USH1G: variants seen among roughly 807,000 people sequenced by gnomAD.
The protein encoded by USH1G is pre-mRNA splicing regulator USH1G.
Under a neutral mutation model 31.9 loss-of-function variants are expected in USH1G, and 27 were observed. The observed-to-expected ratio is 0.85, with a 90% confidence interval of 0.62 to 1.17. The LOEUF is 1.17. Ranked by LOEUF, USH1G falls within the 50% of genes most tolerant of loss-of-function variation. USH1G has a pLI of 0.00. For missense variants in USH1G, 674 were observed against 638.9 expected (o/e 1.05, Z -0.59); for synonymous variants, 266 against 283.2 (o/e 0.94, Z 0.61).
chr17:74,920,803 T>G lies in USH1G; in HGVS notation c.165-132A>C. On this transcript the variant is annotated intron_variant, in intron 1 of 2. Coordinates refer to ENST00000614341, the MANE Select transcript of USH1G (RefSeq NM_173477.5). This position sits in a 1 kb window ranked among gnomAD's most constrained non-coding sequence, Gnocchi z 5.2. ...AAAGGGACCGTGGGCCTGAGATCTC[T>G]CCCACTCCAGGAGACCTGCAGGCCT... 1.5e-6 allele frequency: 2 copies of G among 1,352,872 alleles called. No individual in the cohort carries two copies. The highest frequency in any genetic ancestry group is 2.0e-6 in the Non-Finnish European group (2 of 993,898). 83.8% of individuals were successfully genotyped at this position (1,352,872 alleles called of 1,614,324 possible). A position where few individuals can be genotyped will look rare whatever the true frequency, so the allele number is the denominator to read the frequency against.
At position 74,923,221 on chromosome 17, in the gene USH1G, T is replaced by A; in HGVS notation, c.-148A>T. 2.6e-6 allele frequency: 1 copy of A among 380,412 alleles called. No individual in the cohort carries two copies. The highest frequency in any genetic ancestry group is 3.6e-6 in the Non-Finnish European group (1 of 278,858). The allele number at this position is 380,412 out of a possible 1,614,324, so 23.6% of individuals were successfully genotyped here. ...AGCCCCCGCTGCCGCAGACGGAGGG[T>A]GCGGAGCGCCAGAGCCGCGACTACC... is the stretch of plus-strand genomic sequence containing the variant. On this transcript the variant is annotated 5_prime_UTR_variant, in exon 1 of 3. Transcript: ENST00000614341. The surrounding 1 kb of genome is among the most constrained non-coding windows in gnomAD (Gnocchi z 5.3).
chr17:74,919,928 T>TG lies in USH1G; in HGVS notation c.907dup (p.His303ProfsTer53). 6.2e-7 allele frequency: 1 copy of TG among 1,612,798 alleles called. No individual in the cohort carries two copies. The highest frequency in any genetic ancestry group is 8.5e-7 in the Non-Finnish European group (1 of 1,179,694). On this transcript the variant is annotated frameshift_variant, in exon 2 of 3. Coordinates refer to ENST00000614341, the MANE Select transcript of USH1G (RefSeq NM_173477.5). LOFTEE classifies it high-confidence loss of function. The surrounding 1 kb of genome is among the most constrained non-coding windows in gnomAD (Gnocchi z 4.5). ...GCCGGGGCGGGTAAACAGGGAGTCG[T>TG]GGCCTGAGTCGGTGCTGACCTCCGA...
chr17:74,920,667 C>A lies in USH1G; in HGVS notation c.169G>T (p.Asp57Tyr). 1 of 1,613,582 alleles carries A rather than the reference C, an allele frequency of 6.2e-7. No individual in the cohort carries two copies. Among genetic ancestry groups the A allele is most frequent in the Admixed American group, 1.7e-5 (1 of 60,022 alleles). Residue 57 changes from aspartate (D) to tyrosine (Y), a missense_variant, in exon 2 of 3, where the codon GAC becomes TAC. Physicochemically the swap from Asp to Tyr is radical, Grantham distance 160 (BLOSUM62 -3). Transcript: ENST00000614341. The surrounding 1 kb of genome is among the most constrained non-coding windows in gnomAD (Gnocchi z 5.2). ...SLRLIVSRGG[D>Y]PDKCDIWGNT... ...CCCCAGATGTCACACTTGTCCGGGT[C>A]ACCCCTGCAGGGAAAGCATTCAGGA...
Position 74,919,656 on chromosome 17 carries a change from T to C in USH1G, c.1180A>G (p.Thr394Ala). ...DLEPETSPLE[T>A]FLASLHMEDF... Reference sequence around the variant, plus strand: ...TCCATGTGCAGAGAGGCCAGGAAGGTCTCCAGCGGGCTAGTCTCGGGCTCC... The same window carrying C: ...TCCATGTGCAGAGAGGCCAGGAAGGCCTCCAGCGGGCTAGTCTCGGGCTCC... The change falls in exon 2 of 3, where the codon ACC becomes GCC. Residue 394 changes from threonine to alanine, a missense_variant. By Grantham distance (58) the Thr-to-Ala change is moderately conservative. Coordinates refer to ENST00000614341, the MANE Select transcript of USH1G (RefSeq NM_173477.5). The surrounding 1 kb of genome is among the most constrained non-coding windows in gnomAD (Gnocchi z 4.5). 6.2e-7 allele frequency: 1 copy of C among 1,612,688 alleles called. No individual in the cohort carries two copies. The highest frequency in any genetic ancestry group is 8.5e-7 in the Non-Finnish European group (1 of 1,179,990).
At position 74,920,264 on chromosome 17, in the gene USH1G, T is replaced by C; in HGVS notation, c.572A>G (p.Gln191Arg). The stretch of plus-strand genomic sequence containing the variant: ...CAGGTGGCTGCCCAGCGCCAGATGC[T>C]GCAGCCGGCGGCTCAGGGTGCTGGA... ...LTSSTLSRRL[Q>R]HLALGSHLPY... Residue 191 changes from glutamine (Q) to arginine (R), a missense_variant, in exon 2 of 3, where the codon CAG becomes CGG. Physicochemically the swap from Gln to Arg is conservative, Grantham distance 43 (BLOSUM62 1). Coordinates refer to ENST00000614341, the MANE Select transcript of USH1G (RefSeq NM_173477.5). The surrounding 1 kb of genome is among the most constrained non-coding windows in gnomAD (Gnocchi z 5.2). The C allele has an allele frequency of 6.2e-7, 1 of 1,602,862 alleles. No homozygotes were observed. Among genetic ancestry groups the C allele is most frequent in the Non-Finnish European group, 8.5e-7 (1 of 1,179,254 alleles).
In USH1G at chr17:74,920,341, G is replaced by A; in HGVS notation, c.495C>T (p.Tyr165=). 1 of 1,610,852 alleles carries A rather than the reference G, an allele frequency of 6.2e-7. No homozygotes were observed. The highest frequency in any genetic ancestry group is 1.7e-4 in the Middle Eastern group (1 of 6,056). ...RRHHERMERR[Y]RRELAERSDT... ...CGGAACGCTCGGCCAGCTCGCGCCG[G>A]TATCGCCGCTCCATGCGTTCGTGGT... Residue 165 remains tyrosine (Y), a synonymous_variant, in exon 2 of 3, where the codon TAC becomes TAT. Coordinates refer to ENST00000614341, the MANE Select transcript of USH1G (RefSeq NM_173477.5). This position sits in a 1 kb window ranked among gnomAD's most constrained non-coding sequence, Gnocchi z 5.2.
Position 74,920,225 on chromosome 17 carries a change from G to C in USH1G, c.611C>G (p.Ala204Gly). 6.2e-7 allele frequency: 1 copy of C among 1,603,138 alleles called. No individual in the cohort carries two copies. The highest frequency in any genetic ancestry group is 2.2e-5 in the East Asian group (1 of 44,878). Residue 204 changes from alanine to glycine, a missense_variant, in exon 2 of 3, where the codon GCC (alanine) becomes GGC (glycine). Physicochemically the swap from Ala to Gly is moderately conservative, Grantham distance 60. Transcript: ENST00000614341. This position sits in a 1 kb window ranked among gnomAD's most constrained non-coding sequence, Gnocchi z 5.2. Reference protein sequence around the residue: ...ALGSHLPYSQATLHGTARGKT... With the variant: ...ALGSHLPYSQGTLHGTARGKT... Reference sequence around the variant, plus strand: ...GCCCCTGGCCGTGCCGTGCAGCGTGGCCTGAGAGTACGGCAGGTGGCTGCC... The same window carrying C: ...GCCCCTGGCCGTGCCGTGCAGCGTGCCCTGAGAGTACGGCAGGTGGCTGCC...
chr17:74,923,116 G>C lies in USH1G; in HGVS notation c.-43C>G, dbSNP rs776932722. ...GGGCGGGCGGGGGACACGGAGAAAG[G>C]CCCCCCGCAGGGGAGGGCGGCGGTA... On this transcript the variant is annotated 5_prime_UTR_variant, in exon 1 of 3. Transcript: ENST00000614341. This position sits in a 1 kb window ranked among gnomAD's most constrained non-coding sequence, Gnocchi z 5.3. The C allele has an allele frequency of 3.9e-6, 6 of 1,529,540 alleles. No homozygotes were observed. The highest frequency in any genetic ancestry group is 1.4e-5 in the African/African-American group (1 of 73,148). The allele number at this position is 1,529,540 out of a possible 1,614,324, so 94.7% of individuals were successfully genotyped here. A position where few individuals can be genotyped will look rare whatever the true frequency, so the allele number is the denominator to read the frequency against.
rs936654730 is a variant in USH1G, at chr17:74,917,785, G to A, written c.*288C>T. On this transcript the variant is annotated 3_prime_UTR_variant, in exon 3 of 3. Coordinates refer to ENST00000614341, the MANE Select transcript of USH1G (RefSeq NM_173477.5). ...CCGATGCCCCTGCCCTCCCTCTGGG[G>A]CAGGCCTCCCCCAAGTCTACATGTC... is the stretch of plus-strand genomic sequence containing the variant. 8.6e-5 allele frequency: 43 copies of A among 499,400 alleles called. No homozygotes were observed. Among genetic ancestry groups the A allele is most frequent in the African/African-American group, 7.7e-4 (40 of 51,692 alleles). 30.9% of individuals were successfully genotyped at this position (499,400 alleles called of 1,614,324 possible).
Position 74,920,412 on chromosome 17 carries a change from C to T in USH1G, c.424G>A (p.Glu142Lys), listed in dbSNP as rs111033466. 11,150 of 1,613,462 alleles carry T rather than the reference C, an allele frequency of 6.9e-3. 604 individuals are homozygous for T. The African/African-American group carries it at 0.13, about 19-fold the overall frequency. The change falls in exon 2 of 3, where the codon GAG (glutamate) becomes AAG (lysine). Residue 142 changes from glutamate to lysine, a missense_variant. Transcript: ENST00000614341. The surrounding 1 kb of genome is among the most constrained non-coding windows in gnomAD (Gnocchi z 5.2). ...VGKLKDKAFREAERRIRECAK... is the reference protein window; with the variant it reads ...VGKLKDKAFRKAERRIRECAK... ...CACTCGCGGATGCGCCGCTCCGCCT[C>T]GCGGAAGGCCTTGTCCTTCAGCTTA...
At position 74,920,707 on chromosome 17, in the gene USH1G, G is replaced by T. The variant is rs779395291; in HGVS notation, c.165-36C>A. 2 of 1,611,970 alleles carry T rather than the reference G, an allele frequency of 1.2e-6. No homozygotes were observed. The highest frequency in any genetic ancestry group is 1.7e-6 in the Non-Finnish European group (2 of 1,179,116). Reference sequence around the variant, plus strand: ...AGCATTCAGGAGGGACGAGTGACGAGTCCTGGCTGGGGATGGAGGTGGAGG... The same window carrying T: ...AGCATTCAGGAGGGACGAGTGACGATTCCTGGCTGGGGATGGAGGTGGAGG... On this transcript the variant is annotated intron_variant, in intron 1 of 2. Transcript: ENST00000614341. The surrounding 1 kb of genome is among the most constrained non-coding windows in gnomAD (Gnocchi z 5.2).
chr17:74,919,425 C>T lies in USH1G; in HGVS notation c.1382+29G>A. The T allele has an allele frequency of 6.3e-7, 1 of 1,586,436 alleles. No individual in the cohort carries two copies. Among genetic ancestry groups the T allele is most frequent in the Non-Finnish European group, 8.6e-7 (1 of 1,166,364 alleles). Reference sequence around the variant, plus strand: ...CAGGGGCCTTCCAACTCCTGCTCCTCCATCCCCCCCGCCAGGCTGGACACT... The same window carrying T: ...CAGGGGCCTTCCAACTCCTGCTCCTTCATCCCCCCCGCCAGGCTGGACACT... On this transcript the variant is annotated intron_variant, in intron 2 of 2. Coordinates refer to ENST00000614341, the MANE Select transcript of USH1G (RefSeq NM_173477.5). This position sits in a 1 kb window ranked among gnomAD's most constrained non-coding sequence, Gnocchi z 4.5.
At chr17:74,922,843 G>A in intron 1 of USH1G, 67 bp downstream of exon 1, 1 of 1,499,246 alleles carries the variant, frequency 6.7e-7, no homozygotes, top group Non-Finnish European at 9.0e-7. Context: ...CAGCTCAGAG[G>A]AGTGGTGGAC....
Position 74,920,434 on chromosome 17 carries a change from C to T in USH1G, c.402G>A (p.Lys134=), listed in dbSNP as rs1340005420. 16 of 1,613,580 alleles carry T rather than the reference C, an allele frequency of 9.9e-6. No homozygotes were observed. Among genetic ancestry groups the T allele is most frequent in the African/African-American group, 5.3e-5 (4 of 74,952 alleles). The change falls in exon 2 of 3, where the codon AAG becomes AAA. Residue 134 remains lysine, a synonymous_variant. Coordinates refer to ENST00000614341, the MANE Select transcript of USH1G (RefSeq NM_173477.5). The surrounding 1 kb of genome is among the most constrained non-coding windows in gnomAD (Gnocchi z 5.2). ...QSSLNPKLVG[K]LKDKAFREAE... ...CCTCGCGGAAGGCCTTGTCCTTCAG[C>T]TTACCCACCAGCTTGGGGTTGAGGC...
Position 74,921,895 on chromosome 17 carries a change from G to A in USH1G, c.164+1015C>T, listed in dbSNP as rs1043531348. 2.0e-5 allele frequency among the ~76,000 whole-genome samples: 3 copies of A among 152,142 alleles called. No individual in the cohort carries two copies. The highest frequency in any genetic ancestry group is 4.8e-5 in the African/African-American group (2 of 41,426). On this transcript the variant is annotated intron_variant, in intron 1 of 2. Transcript: ENST00000614341. This position sits in a 1 kb window ranked among gnomAD's most constrained non-coding sequence, Gnocchi z 4.6. ...TTCAAGGCTGCTCCCACCTGATGCT[G>A]GGCCCAAGGAGCAGCCCAAGGAGAG...
rs188451036 is a variant in USH1G at position 74,921,405 on chromosome 17, G to C, written c.165-734C>G. Among the ~76,000 whole-genome samples, 2 of 152,146 alleles carry C rather than the reference G, an allele frequency of 1.3e-5. No homozygotes were observed. Among genetic ancestry groups the C allele is most frequent in the East Asian group, 3.9e-4 (2 of 5,152 alleles). On this transcript the variant is annotated intron_variant, in intron 1 of 2. Transcript: ENST00000614341. This position sits in a 1 kb window ranked among gnomAD's most constrained non-coding sequence, Gnocchi z 4.6. The stretch of plus-strand genomic sequence containing the variant: ...CTGCAAGGCTGGCTCACTTGAGCCT[G>C]TCCAGGGACCCCCGACAGCCCCCAC...
rs900675786 is a variant in USH1G, at chr17:74,920,752, G to A, written c.165-81C>T. 1.3e-6 allele frequency: 2 copies of A among 1,556,522 alleles called. No homozygotes were observed. The highest frequency in any genetic ancestry group is 2.7e-5 in the African/African-American group (2 of 73,984). ...TGGAGGGAGTGGAGGGGGGAGGGGA[G>A]CTTCCCCACTGTCACAGCAACCCCC... On this transcript the variant is annotated intron_variant, in intron 1 of 2. Transcript: ENST00000614341. The surrounding 1 kb of genome is among the most constrained non-coding windows in gnomAD (Gnocchi z 5.2).
chr17:74,920,128 A>C lies in USH1G; in HGVS notation c.708T>G (p.Asp236Glu), dbSNP rs2038920549. ...AGAGCGAGCGGGCGCTCTTGCGCCC[A>C]TCCTCGGAGACCTTGAAGGTGCCTT... ...GGEGTFKVSE[D>E]GRKSARSLSG... is the part of the protein sequence containing the mutation. The change falls in exon 2 of 3, where the codon GAT becomes GAG. Residue 236 changes from aspartate (D) to glutamate (E), a missense_variant. By Grantham distance (45) the Asp-to-Glu change is conservative. Coordinates refer to ENST00000614341, the MANE Select transcript of USH1G (RefSeq NM_173477.5). The surrounding 1 kb of genome is among the most constrained non-coding windows in gnomAD (Gnocchi z 5.2). 1.9e-6 allele frequency: 3 copies of C among 1,602,768 alleles called. No individual in the cohort carries two copies. Among genetic ancestry groups the C allele is most frequent in the South Asian group, 2.2e-5 (2 of 91,058 alleles).
In USH1G at chr17:74,920,214, C is replaced by G. The variant is rs1299864789; in HGVS notation, c.622G>C (p.Gly208Arg). The change falls in exon 2 of 3, where the codon GGC becomes CGC. Residue 208 changes from glycine to arginine, a missense_variant. Transcript: ENST00000614341. The surrounding 1 kb of genome is among the most constrained non-coding windows in gnomAD (Gnocchi z 5.2). ...ATCTTGGTCTTGCCCCTGGCCGTGC[C>G]GTGCAGCGTGGCCTGAGAGTACGGC... ...HLPYSQATLH[G>R]TARGKTKMQK... The G allele has an allele frequency of 3.1e-6, 5 of 1,602,730 alleles. No homozygotes were observed. In the East Asian group the frequency reaches 6.7e-5, roughly 21 times the overall value.
Sources: gnomAD v4.1 joint callset for allele counts (sites outside exome capture counted in the v4.1 genomes callset) on GRCh38, gnomAD v4.1.1 for gene constraint, Gnocchi (gnomAD v3.1) non-coding constraint, MANE v1.5 for transcripts, NCBI Gene and HGNC (gene_info 2026-07-23, HGNC 2026-07-21) for gene names.